TF: variants seen among roughly 807,000 people sequenced by gnomAD.
The protein encoded by TF is transferrin.
TF carries 55 observed loss-of-function variants against 82.4 expected under a neutral mutation model. That is an observed-to-expected ratio of 0.67 (90% confidence interval 0.54 to 0.84). TF has a LOEUF of 0.84. Ranked by LOEUF, TF falls within the 40% of genes least tolerant of loss-of-function variation. TF has a pLI of 0.00. For synonymous variants in TF, 332 were observed against 332.6 expected (o/e 1.00, Z 0.02); for missense variants, 737 against 868.4 (o/e 0.85, Z 1.90).
the TF span, among the ~76,000 whole-genome samples, chr3:133,670,840 G>T: frequency 6.6e-6 from 1 of 152,214 alleles, no homozygotes; most frequent in East Asian, 1.9e-4. Context: ...AGTTAAAGAT[G>T]AACCACTCGG....
chr3:133,667,566 A>G, the TF span, among the ~76,000 whole-genome samples: 6 of 152,028 alleles, frequency 3.9e-5, no homozygotes, highest in African/African-American at 1.4e-4. Flanking sequence ...AGAGAGAGAG[A>G]GGTATGGGGC....
the TF span, among the ~76,000 whole-genome samples, chr3:133,710,732 T>C: frequency 1.3e-5 from 2 of 152,352 alleles, no homozygotes; most frequent in East Asian, 3.9e-4. Flanking sequence ...CTCCTTCTGG[T>C]GTGTCCAACA....
At chr3:133,681,959 C>T in the TF span, among the ~76,000 whole-genome samples, 1 of 152,184 alleles carries the variant, frequency 6.6e-6, no homozygotes, top group Non-Finnish European at 1.5e-5. Context: ...CCAGTAGGGG[C>T]TGACTGACAC....
intron 2 of TF, among the ~76,000 whole-genome samples, 182 bp from the exon 3 acceptor site, chr3:133,753,413 G>A (rs970941082): frequency 4.6e-5 from 7 of 151,898 alleles, no homozygotes; most frequent in African/African-American, 1.7e-4. Flanking sequence ...ATAGGAATGT[G>A]GTGGCTAAGT....
rs41298293 is a variant in TF, at chr3:133,748,493, G to A, written c.125G>A (p.Arg42His). 55 of 1,614,110 alleles carry A rather than the reference G, an allele frequency of 3.4e-5. No homozygotes were observed. The highest frequency in any genetic ancestry group is 2.2e-4 in the South Asian group (20 of 91,084). Reference sequence around the variant, plus strand: ...GAGGCCACTAAGTGCCAGAGTTTCCGCGACCATATGAAAAGCGTCATTCCA... The same window carrying A: ...GAGGCCACTAAGTGCCAGAGTTTCCACGACCATATGAAAAGCGTCATTCCA... The part of the protein sequence containing the change: ...EHEATKCQSF[R>H]DHMKSVIPSD... The change falls in exon 2 of 17, where the codon CGC becomes CAC. Residue 42 changes from arginine (R) to histidine (H), a missense_variant. Transcript: ENST00000402696.
rs1934682207 is a variant in TF, at chr3:133,786,239, A to AAAAAC, written c.*7620_*7621insAAACA. ...AAATAAATTAAAAAAAAAAAAAAAA[A>AAAAAC]ACAATACTATTTTTTGAACTATCTA... On this transcript the variant is annotated 3_prime_UTR_variant, in exon 17 of 17. Coordinates refer to ENST00000402696, the MANE Select transcript of TF (RefSeq NM_001063.4). The AAAAAC allele has an allele frequency of 2.0e-5, 3 of 150,514 alleles. 1 individual carries two copies. The highest frequency in any genetic ancestry group is 4.4e-5 in the Non-Finnish European group (3 of 67,896). 9.3% of individuals were successfully genotyped at this position (150,514 alleles called of 1,614,324 possible).
intron 2 of TF, among the ~76,000 whole-genome samples, chr3:133,752,702 G>A (rs904078599): frequency 3.3e-5 from 5 of 152,072 alleles, no homozygotes; most frequent in East Asian, 3.9e-4. Flanking sequence ...AAATAAACCC[G>A]GAATGTCTGC....
chr3:133,692,045 C>T, the TF span, among the ~76,000 whole-genome samples: 4 of 152,336 alleles, frequency 2.6e-5, no homozygotes, highest in East Asian at 1.9e-4. Context: ...ATAGAAACTC[C>T]GCTGGTGCTG....
chr3:133,779,252 A>G lies in TF; in HGVS notation c.*632A>G, dbSNP rs1360498394. The stretch of plus-strand genomic sequence containing the variant: ...CATTCCCTGAGCTTGATGCCACAGC[A>G]GTTACTGCCCTGTCTCCTGCCCTTC... On this transcript the variant is annotated 3_prime_UTR_variant, in exon 17 of 17. Transcript: ENST00000402696. The G allele has an allele frequency of 6.5e-6, 1 of 153,812 alleles. No individual in the cohort carries two copies. Among genetic ancestry groups the G allele is most frequent in the African/African-American group, 2.4e-5 (1 of 41,462 alleles). The allele number at this position is 153,812 out of a possible 1,614,324, so 9.5% of individuals were successfully genotyped here.
At chr3:133,759,087 C>A (rs766152197) in intron 8 of TF, 88 bp from the exon 9 acceptor site, 17 of 1,535,872 alleles carry the variant, frequency 1.1e-5, no homozygotes, top group Non-Finnish European at 1.5e-5. Context: ...CAAATCCCAG[C>A]ATTTGCATGA....
In TF at chr3:133,764,293, C is replaced by G. The variant is rs1358666355; in HGVS notation, c.1297+18C>G. On this transcript the variant is annotated intron_variant, in intron 10 of 16. Coordinates refer to ENST00000402696, the MANE Select transcript of TF (RefSeq NM_001063.4). ...CTACAATAGTAAGTGGTGGGGAGCA[C>G]CTCTCTGTGTTTTCTTCCCTCAGGG... The G allele has an allele frequency of 5.6e-6, 9 of 1,599,898 alleles. No individual in the cohort carries two copies. Among genetic ancestry groups the G allele is most frequent in the Non-Finnish European group, 7.7e-6 (9 of 1,167,374 alleles).
At chr3:133,705,814 C>T in the TF span, among the ~76,000 whole-genome samples, 1 of 152,024 alleles carries the variant, frequency 6.6e-6, no homozygotes, top group East Asian at 1.9e-4. Flanking sequence ...AAGGTAAAGG[C>T]CCATTGTTGG....
At chr3:133,734,369 G>A in the TF span, among the ~76,000 whole-genome samples, 1 of 152,172 alleles carries the variant, frequency 6.6e-6, no homozygotes, top group African/African-American at 2.4e-5. Context: ...TACAAAGTAG[G>A]CTTGAATGTC....
At chr3:133,707,894 C>A in the TF span, among the ~76,000 whole-genome samples, 1 of 151,954 alleles carries the variant, frequency 6.6e-6, no homozygotes, top group Non-Finnish European at 1.5e-5. Context: ...AGACATTCAG[C>A]ATTATATTGG....
At chr3:133,667,203 TA>T in the TF span, among the ~76,000 whole-genome samples, 33 of 151,732 alleles carry the variant, frequency 2.2e-4, 1 homozygote, top group African/African-American at 6.1e-4. Context: ...TGTTTTTTTT[TA>T]AAATTAACTG....
At chr3:133,754,924 C>T (rs552191508) in intron 4 of TF, among the ~76,000 whole-genome samples, 25 of 152,300 alleles carry the variant, frequency 1.6e-4, no homozygotes, top group Admixed American at 1.6e-3. Flanking sequence ...GCGCAAGGCT[C>T]GGCAGAGGGT....
At chr3:133,754,720 G>T (rs1933776909) in intron 4 of TF, 49 bp downstream of exon 4, 1 of 1,595,196 alleles carries the variant, frequency 6.3e-7, no homozygotes, top group African/African-American at 1.3e-5. Flanking sequence ...CTCTGCTCCA[G>T]ATGCCCACAC....
chr3:133,775,431 A>G lies in TF; in HGVS notation c.1688-2A>G, dbSNP rs768365263. On this transcript the variant is annotated splice_acceptor_variant, in intron 14 of 16. Transcript: ENST00000402696. LOFTEE classifies it high-confidence loss of function. Reference sequence around the variant, plus strand: ...GCTGAACCACCTTCTTCCTGTCCCTAGGAAAAAACCCTGATCCATGGGCTA... The same window carrying G: ...GCTGAACCACCTTCTTCCTGTCCCTGGGAAAAAACCCTGATCCATGGGCTA... 2 of 1,614,156 alleles carry G rather than the reference A, an allele frequency of 1.2e-6. No homozygotes were observed. The highest frequency in any genetic ancestry group is 2.2e-5 in the South Asian group (2 of 91,076).
At chr3:133,730,744 C>T in the TF span, among the ~76,000 whole-genome samples, 1 of 150,666 alleles carries the variant, frequency 6.6e-6, no homozygotes, top group African/African-American at 2.5e-5. Flanking sequence ...AACACACACA[C>T]AAGCATGCAT....
Sources: gnomAD v4.1 joint callset for allele counts (sites outside exome capture counted in the v4.1 genomes callset) on GRCh38, gnomAD v4.1.1 for gene constraint, MANE v1.5 for transcripts, NCBI Gene and HGNC (gene_info 2026-07-23, HGNC 2026-07-21) for gene names.